SGSM2: variants seen among roughly 807,000 people sequenced by gnomAD.
The protein encoded by SGSM2 is small G protein signaling modulator 2.
In SGSM2, 89 loss-of-function variants were observed where a neutral mutation model predicts 126.6. That is an observed-to-expected ratio of 0.70 (90% CI 0.59 to 0.84). SGSM2 has a LOEUF of 0.84. SGSM2 is among the 40% of genes least tolerant of loss of function. The pLI is 0.00. For synonymous variants in SGSM2, 614 were observed against 574.3 expected (o/e 1.07, Z -0.99); for missense variants, 1,404 against 1,416.6 (o/e 0.99, Z 0.14).
At chr17:2,361,902 TC>T in intron 3 of SGSM2, 103 bp downstream of exon 3, 2 of 1,418,144 alleles carry the variant, frequency 1.4e-6, no homozygotes, top group South Asian at 2.7e-5. Context: ...CTGGGCCTGT[TC>T]CTTGCAGGGC....
rs1567823074 is a variant in SGSM2 at position 2,362,634 on chromosome 17, C to G, written c.459-204C>G. Reference sequence around the variant, plus strand: ...TTGCCTGTCCGTGACAGCCTGTAGGCAACCCTCCATCTCCCCGTCCCCTTC... The same window carrying G: ...TTGCCTGTCCGTGACAGCCTGTAGGGAACCCTCCATCTCCCCGTCCCCTTC... On this transcript the variant is annotated intron_variant, in intron 4 of 23. Coordinates refer to ENST00000268989, the MANE Select transcript of SGSM2 (RefSeq NM_014853.3). The surrounding 1 kb of genome is among the most constrained non-coding windows in gnomAD (Gnocchi z 4.9). Among the ~76,000 whole-genome samples, 1 of 152,246 alleles carries G rather than the reference C, an allele frequency of 6.6e-6. No individual in the cohort carries two copies. Among genetic ancestry groups the G allele is most frequent in the Non-Finnish European group, 1.5e-5 (1 of 68,044 alleles).
Position 2,363,737 on chromosome 17 carries a change from T to C in SGSM2, c.807+138T>C. ...GAATGGCCCCAGCCTCCCAACTCCC[T>C]GTTTCACACGACTCACGCCCAGCCT... On this transcript the variant is annotated intron_variant, in intron 7 of 23. Transcript: ENST00000268989. This position sits in a 1 kb window ranked among gnomAD's most constrained non-coding sequence, Gnocchi z 4.2. 7.8e-7 allele frequency: 1 copy of C among 1,282,332 alleles called. No individual in the cohort carries two copies. The highest frequency in any genetic ancestry group is 1.1e-6 in the Non-Finnish European group (1 of 938,012). The allele number at this position is 1,282,332 out of a possible 1,614,324, so 79.4% of individuals were successfully genotyped here.
intron 1 of SGSM2, among the ~76,000 whole-genome samples, chr17:2,339,553 C>A (rs974952292): frequency 1.3e-5 from 2 of 151,702 alleles, no homozygotes; most frequent in Non-Finnish European, 2.9e-5. Context: ...TGAAACCTCT[C>A]TCTACAAAAA....
intron 2 of SGSM2, among the ~76,000 whole-genome samples, chr17:2,350,088 A>C (rs971835808): frequency 3.3e-5 from 5 of 151,700 alleles, no homozygotes; most frequent in Admixed American, 3.3e-4. Flanking sequence ...CGCCTGGCCT[A>C]ATTTTTGTAT....
chr17:2,346,120 C>T (rs1231687528), intron 2 of SGSM2, among the ~76,000 whole-genome samples: 1 of 152,196 alleles, frequency 6.6e-6, no homozygotes, highest in African/African-American at 2.4e-5. Context: ...CAGACTTAAA[C>T]TGTGCCTTGC....
chr17:2,359,945 G>A (rs1159165118), intron 2 of SGSM2, among the ~76,000 whole-genome samples: 1 of 152,192 alleles, frequency 6.6e-6, no homozygotes, highest in Non-Finnish European at 1.5e-5. Context: ...CCAAGAGACT[G>A]GGACAAAAGG....
intron 2 of SGSM2, among the ~76,000 whole-genome samples, chr17:2,359,653 G>A (rs2065230750): frequency 6.6e-6 from 1 of 152,178 alleles, no homozygotes; most frequent in Non-Finnish European, 1.5e-5. Flanking sequence ...CGGGAAGGTA[G>A]GCGAGGCCAC....
intron 2 of SGSM2, among the ~76,000 whole-genome samples, chr17:2,346,162 G>A (rs1325363756): frequency 6.6e-6 from 1 of 152,172 alleles, no homozygotes; most frequent in Non-Finnish European, 1.5e-5. Flanking sequence ...ATTCAGCTTT[G>A]TTGTGGGAGA....
chr17:2,367,220 C>G lies in SGSM2; in HGVS notation c.1289-51C>G. ...CCCCTTAAGGAGGGAGTCCGTCCTG[C>G]CCAGGGATGAGGGCCTCATGCCTCT... On this transcript the variant is annotated intron_variant, in intron 11 of 23. Transcript: ENST00000268989. This position sits in a 1 kb window ranked among gnomAD's most constrained non-coding sequence, Gnocchi z 4.0. The G allele has an allele frequency of 2.5e-6, 4 of 1,577,632 alleles. No individual in the cohort carries two copies. The highest frequency in any genetic ancestry group is 2.6e-6 in the Non-Finnish European group (3 of 1,161,862).
Position 2,375,877 on chromosome 17 carries a change from T to G in SGSM2, c.2484+2T>G. 6.6e-7 allele frequency: 1 copy of G among 1,513,302 alleles called. No individual in the cohort carries two copies. Among genetic ancestry groups the G allele is most frequent in the South Asian group, 1.3e-5 (1 of 76,072 alleles). The allele number at this position is 1,513,302 out of a possible 1,614,324, so 93.7% of individuals were successfully genotyped here. On this transcript the variant is annotated splice_donor_variant, in intron 18 of 23. Coordinates refer to ENST00000268989, the MANE Select transcript of SGSM2 (RefSeq NM_014853.3). LOFTEE classifies it high-confidence loss of function. ...GCTGTGTGTGCGGCTGCCTACACTG[T>G]GCGTACATGCTCCCCAGGCTGTTCC...
At chr17:2,377,804 G>A in intron 21 of SGSM2, 53 bp from the exon 22 acceptor site, 1 of 1,217,408 alleles carries the variant, frequency 8.2e-7, no homozygotes, top group Non-Finnish European at 1.2e-6. Context: ...GTGGCGGCCA[G>A]AGGCAGCATC....
rs146646272 is a variant in SGSM2, at chr17:2,373,510, C to T, written c.2097C>T (p.Asn699=). The part of the protein sequence containing the change: ...RLIHRDSTIS[N]DVFISVDDLE... ...TCCACCGAGACTCCACCATCAGCAA[C>T]GATGTGAGCCAGACGGGACCTGGAG... Residue 699 remains asparagine, a synonymous_variant, in exon 17 of 24, where the codon AAC becomes AAT. Coordinates refer to ENST00000268989, the MANE Select transcript of SGSM2 (RefSeq NM_014853.3). The T allele has an allele frequency of 3.4e-5, 54 of 1,600,888 alleles. No individual in the cohort carries two copies. The African/African-American group carries it at 5.7e-4, about 17-fold the overall frequency.
rs758380631 is a variant in SGSM2 at position 2,375,561 on chromosome 17, G to A, written c.2170G>A (p.Glu724Lys). ...QDPEDSRPKP[E>K]QEAGPGTPGT... ...CCCTGAAGATTCCAGACCAAAACCT[G>A]AGCAGGAAGCAGGACCCGGGACTCC... Residue 724 changes from glutamate (E) to lysine (K), a missense_variant, in exon 18 of 24, where the codon GAG becomes AAG. Physicochemically the swap from Glu to Lys is moderately conservative, Grantham distance 56. Transcript: ENST00000268989. The A allele has an allele frequency of 3.1e-6, 5 of 1,613,914 alleles. No homozygotes were observed. Among genetic ancestry groups the A allele is most frequent in the South Asian group, 1.1e-5 (1 of 91,076 alleles).
In SGSM2 at chr17:2,372,045, C is replaced by T. The variant is rs2151618584; in HGVS notation, c.1578-145C>T. 1.0e-6 allele frequency: 1 copy of T among 956,382 alleles called. No homozygotes were observed. The highest frequency in any genetic ancestry group is 1.5e-5 in the South Asian group (1 of 67,342). 59.2% of individuals were successfully genotyped at this position (956,382 alleles called of 1,614,324 possible). A position where few individuals can be genotyped will look rare whatever the true frequency, so the allele number is the denominator to read the frequency against. On this transcript the variant is annotated intron_variant, in intron 13 of 23. Coordinates refer to ENST00000268989, the MANE Select transcript of SGSM2 (RefSeq NM_014853.3). The surrounding 1 kb of genome is among the most constrained non-coding windows in gnomAD (Gnocchi z 6.0). ...GTGGCAGGCAGGGACAGGGCACCCA[C>T]TGACGGCTGCTGGGCTGCGGCTCCT...
intron 2 of SGSM2, among the ~76,000 whole-genome samples, chr17:2,348,037 C>G (rs1242536963): frequency 6.6e-6 from 1 of 152,114 alleles, no homozygotes; most frequent in Admixed American, 6.6e-5. Context: ...TGAGGATGAG[C>G]TGTAATTCGA....
intron 1 of SGSM2, among the ~76,000 whole-genome samples, chr17:2,339,629 A>T (rs1419188247): frequency 1.4e-5 from 2 of 147,104 alleles, no homozygotes; most frequent in African/African-American, 2.5e-5. Context: ...AATGGCATGA[A>T]CCCGGGAGGC....
chr17:2,373,405 G>A lies in SGSM2; in HGVS notation c.1992G>A (p.Gln664=), dbSNP rs2065974576. The A allele has an allele frequency of 6.2e-7, 1 of 1,612,258 alleles. No homozygotes were observed. The highest frequency in any genetic ancestry group is 8.5e-7 in the Non-Finnish European group (1 of 1,179,978). Residue 664 remains glutamine (Q), a synonymous_variant, in exon 17 of 24, where the codon CAG becomes CAA. Coordinates refer to ENST00000268989, the MANE Select transcript of SGSM2 (RefSeq NM_014853.3). Reference sequence around the variant, plus strand: ...AGGCCTGCGAGGTGGTGGTGAGGCAGCGGGAGCGGGAGGCCCACCCAGCCA... The same window carrying A: ...AGGCCTGCGAGGTGGTGGTGAGGCAACGGGAGCGGGAGGCCCACCCAGCCA... ...EWKACEVVVR[Q]REREAHPATR...
At chr17:2,377,531 A>AGT (rs1301888009) in intron 21 of SGSM2, 303 of 196,010 alleles carry the variant, frequency 1.5e-3, no homozygotes, top group South Asian at 2.4e-3. Context: ...ATTGAGGAGG[A>AGT]GTGTGTGTGT....
In SGSM2 at chr17:2,376,403, C is replaced by T. The variant is rs543590635; in HGVS notation, c.2609+142C>T. Reference sequence around the variant, plus strand: ...TCCCCCTGCCTGGAACGCTTTTTTCCTGCACACCCCTCCCCCGCGCCTCTT... The same window carrying T: ...TCCCCCTGCCTGGAACGCTTTTTTCTTGCACACCCCTCCCCCGCGCCTCTT... On this transcript the variant is annotated intron_variant, in intron 19 of 23. Transcript: ENST00000268989. 4 of 977,774 alleles carry T rather than the reference C, an allele frequency of 4.1e-6. No homozygotes were observed. The African/African-American group carries it at 6.5e-5, about 16-fold the overall frequency. 60.6% of individuals were successfully genotyped at this position (977,774 alleles called of 1,614,324 possible).
Sources: gnomAD v4.1 joint callset for allele counts (sites outside exome capture counted in the v4.1 genomes callset) on GRCh38, gnomAD v4.1.1 for gene constraint, Gnocchi (gnomAD v3.1) non-coding constraint, MANE v1.5 for transcripts, NCBI Gene and HGNC (gene_info 2026-07-23, HGNC 2026-07-21) for gene names.